Variants in LRMDA observed in about 807,000 individuals in gnomAD.
LRMDA encodes the protein leucine-rich melanocyte differentiation-associated protein.
LRMDA carries 18 observed loss-of-function variants against 29.8 expected under a neutral mutation model. The ratio of observed to expected loss-of-function variants is 0.60; its 90% confidence interval spans 0.42 to 0.90. The LOEUF (loss-of-function observed/expected upper bound fraction) is 0.90. Among genes scored for constraint, LRMDA ranks in the 40% least tolerant of loss-of-function variants. LRMDA has a pLI of 0.00. For missense variants in LRMDA, 273 were observed against 273.9 expected, an observed-to-expected ratio of 1.00 and a Z score of 0.02; for synonymous variants, 125 against 109.4, an observed-to-expected ratio of 1.14 and a Z score of -0.89.
At chr10:75,585,154 C>G (rs911400867) in intron 2 of LRMDA, among the ~76,000 whole-genome samples, 1 of 152,182 alleles carries the variant, frequency 6.6e-6, no homozygotes, top group Non-Finnish European at 1.5e-5. Flanking sequence ...CCGCTTGTAC[C>G]CTTTCTCTCA....
intron 5 of LRMDA, among the ~76,000 whole-genome samples, chr10:76,078,256 G>A (rs762031564): frequency 2.6e-5 from 4 of 151,478 alleles, no homozygotes; most frequent in Non-Finnish European, 5.9e-5. Context: ...TGATCTGCCC[G>A]TCTCGGCCTC....
At chr10:76,551,922 G>A (rs1013956585) in intron 6 of LRMDA, among the ~76,000 whole-genome samples, 1 of 152,164 alleles carries the variant, frequency 6.6e-6, no homozygotes, top group Non-Finnish European at 1.5e-5. Flanking sequence ...TCATACAGAT[G>A]AGAGAACAGG....
intron 6 of LRMDA, among the ~76,000 whole-genome samples, chr10:76,379,918 C>A (rs1047005418): frequency 6.6e-6 from 1 of 152,166 alleles, no homozygotes; most frequent in Admixed American, 6.6e-5. Flanking sequence ...TCACTGTTTT[C>A]ATTTGTTTCA....
chr10:75,464,432 A>G (rs1844627108), intron 2 of LRMDA, among the ~76,000 whole-genome samples: 1 of 152,222 alleles, frequency 6.6e-6, no homozygotes, highest in African/African-American at 2.4e-5. Context: ...GTAAGCACAC[A>G]TGTTAGCTGT....
At chr10:75,876,110 G>A (rs1161306901) in intron 2 of LRMDA, among the ~76,000 whole-genome samples, 1 of 152,060 alleles carries the variant, frequency 6.6e-6, no homozygotes, top group Non-Finnish European at 1.5e-5. Flanking sequence ...CCTGGTGGGA[G>A]GACATCAGGC....
At chr10:76,003,985 G>C (rs977070511) in intron 2 of LRMDA, among the ~76,000 whole-genome samples, 1 of 152,186 alleles carries the variant, frequency 6.6e-6, no homozygotes, top group Admixed American at 6.5e-5. Context: ...GGCTCAAAAC[G>C]TTTGTTGGAT....
chr10:75,522,947 TG>T (rs1845377095), intron 2 of LRMDA, among the ~76,000 whole-genome samples: 1 of 152,168 alleles, frequency 6.6e-6, no homozygotes, highest in Non-Finnish European at 1.5e-5. Context: ...CCTGAGGGCT[TG>T]GGTGCCTATG....
chr10:75,860,709 T>C (rs919591577), intron 2 of LRMDA, among the ~76,000 whole-genome samples: 4 of 152,160 alleles, frequency 2.6e-5, no homozygotes, highest in Non-Finnish European at 4.4e-5. Flanking sequence ...ACGCTTCTCA[T>C]AGGCTTTGAG....
intron 5 of LRMDA, among the ~76,000 whole-genome samples, chr10:76,167,867 T>G (rs1850768751): frequency 6.6e-6 from 1 of 152,190 alleles, no homozygotes; most frequent in Non-Finnish European, 1.5e-5. Flanking sequence ...TTCATGATAT[T>G]GATTTTTCCC....
At chr10:76,366,853 A>G (rs1841397025) in intron 6 of LRMDA, among the ~76,000 whole-genome samples, 1 of 152,192 alleles carries the variant, frequency 6.6e-6, no homozygotes, top group Non-Finnish European at 1.5e-5. Flanking sequence ...GAATGCTTTC[A>G]ACTTTTCCTT....
intron 6 of LRMDA, among the ~76,000 whole-genome samples, chr10:76,331,370 A>T (rs954254813): frequency 6.6e-6 from 1 of 152,230 alleles, no homozygotes; most frequent in African/African-American, 2.4e-5. Flanking sequence ...CCTATGAGTG[A>T]GACAGCCTGC....
intron 4 of LRMDA, among the ~76,000 whole-genome samples, chr10:76,053,814 A>G (rs1405954133): frequency 2.6e-5 from 4 of 152,196 alleles, no homozygotes; most frequent in Non-Finnish European, 2.9e-5. Context: ...CAAAGCTATT[A>G]TTCCTCATGG....
intron 6 of LRMDA, among the ~76,000 whole-genome samples, chr10:76,356,882 T>C (rs1322383655): frequency 1.3e-5 from 2 of 152,158 alleles, no homozygotes; most frequent in Non-Finnish European, 2.9e-5. Flanking sequence ...ATGGAGGAGT[T>C]GGCAGTGGGT....
intron 6 of LRMDA, among the ~76,000 whole-genome samples, chr10:76,360,598 A>G (rs762451668): frequency 1.4e-4 from 22 of 152,204 alleles, no homozygotes; most frequent in Non-Finnish European, 1.2e-4. Flanking sequence ...AAGGTTTATA[A>G]CAATTTCTAA....
intron 2 of LRMDA, among the ~76,000 whole-genome samples, chr10:75,950,538 T>A (rs573701605): frequency 1.3e-5 from 2 of 152,338 alleles, no homozygotes; most frequent in South Asian, 4.1e-4. Context: ...TTCTGAGATG[T>A]TCATTCCTTT....
chr10:76,172,549 A>T (rs1357445859), intron 5 of LRMDA, among the ~76,000 whole-genome samples: 1 of 152,152 alleles, frequency 6.6e-6, no homozygotes, highest in East Asian at 1.9e-4. Context: ...AATATTTTAT[A>T]AGGGGTATCT....
chr10:75,581,313 A>G (rs1484603718), intron 2 of LRMDA, among the ~76,000 whole-genome samples: 1 of 152,252 alleles, frequency 6.6e-6, no homozygotes, highest in Admixed American at 6.5e-5. Context: ...ACATATGAAA[A>G]AAAGCTCATC....
intron 6 of LRMDA, among the ~76,000 whole-genome samples, chr10:76,391,578 A>G (rs1195354658): frequency 6.6e-6 from 1 of 152,180 alleles, no homozygotes; most frequent in Non-Finnish European, 1.5e-5. Context: ...CAGAATACAC[A>G]CTTAGGGTGG....
At chr10:75,968,879 G>A (rs1846914878) in intron 2 of LRMDA, among the ~76,000 whole-genome samples, 1 of 152,206 alleles carries the variant, frequency 6.6e-6, no homozygotes, top group African/African-American at 2.4e-5. Context: ...AGCTGTTTAT[G>A]TGGCTATTGA....
Sources: gnomAD v4.1 joint callset for allele counts (sites outside exome capture counted in the v4.1 genomes callset) on GRCh38, gnomAD v4.1.1 for gene constraint, MANE v1.5 for transcripts, NCBI Gene and HGNC (gene_info 2026-07-23, HGNC 2026-07-21) for gene names.